Variants in PIP4K2A observed in about 807,000 individuals in gnomAD.
PIP4K2A encodes the protein phosphatidylinositol-5-phosphate 4-kinase type 2 alpha.
PIP4K2A carries 14 observed loss-of-function variants against 42.9 expected under a neutral mutation model. The observed-to-expected ratio is 0.33, with a 90% CI of 0.22 to 0.51. The LOEUF (loss-of-function observed/expected upper bound fraction) is 0.51, where lower values mean the gene tolerates loss of function less well. Among genes scored for constraint, PIP4K2A ranks in the 20% least tolerant of loss-of-function variants. PIP4K2A has a pLI of 0.97. For missense variants in PIP4K2A, 434 were observed against 519.8 expected (o/e 0.83, Z 1.61); for synonymous variants, 192 against 192.2 (o/e 1.00, Z 0.01).
At chr10:22,572,426 G>T (rs951265205) in intron 5 of PIP4K2A, among the ~76,000 whole-genome samples, 1 of 152,080 alleles carries the variant, frequency 6.6e-6, no homozygotes, top group Non-Finnish European at 1.5e-5. Context: ...GATCAGCCTG[G>T]GCAACATGGT....
intron 6 of PIP4K2A, among the ~76,000 whole-genome samples, chr10:22,553,535 T>C (rs9783118): frequency 2.6e-5 from 4 of 152,164 alleles, no homozygotes; most frequent in Admixed American, 1.3e-4. Context: ...TTAACTATTA[T>C]TCACGTTTTA....
chr10:22,540,116 C>T (rs747140773), intron 8 of PIP4K2A, 42 bp from the exon 9 acceptor site: 6 of 923,298 alleles, frequency 6.5e-6, no homozygotes, highest in Non-Finnish European at 9.0e-6. Flanking sequence ...CATGTGACAA[C>T]ACCAGTGCCA....
intron 1 of PIP4K2A, among the ~76,000 whole-genome samples, chr10:22,701,044 GTTTTCTCCAGC>G (rs921917381): frequency 4.4e-4 from 67 of 152,256 alleles, no homozygotes; most frequent in African/African-American, 1.4e-3. Context: ...CCTGTAACAT[GTTTTCTCCAGC>G]TTCTCCATCC....
At chr10:22,587,671 C>T (rs920281863) in intron 4 of PIP4K2A, among the ~76,000 whole-genome samples, 11 of 152,136 alleles carry the variant, frequency 7.2e-5, no homozygotes, top group Admixed American at 3.3e-4. Flanking sequence ...GCTGAGCCCA[C>T]CACCCAGTAA....
Position 22,664,142 on chromosome 10 carries a change from C to CAT in PIP4K2A, c.144+50039_144+50040dup, listed in dbSNP as rs1554807247. 3.0e-3 allele frequency among the ~76,000 whole-genome samples: 84 copies of CAT among 27,916 alleles called. 4 individuals are homozygous for CAT. Among genetic ancestry groups the CAT allele is most frequent in the East Asian group, 0.019 (32 of 1,688 alleles). The allele number at this position is 27,916 out of a possible 152,430, so 18.3% of individuals were successfully genotyped here. A position where few individuals can be genotyped will look rare whatever the true frequency, so the allele number is the denominator to read the frequency against. On this transcript the variant is annotated intron_variant, in intron 1 of 9. Transcript: ENST00000376573. ...ATATATATATATACATATATATATACATATATATACACATATATATATATA... is the reference window on the plus strand; with the variant it reads ...ATATATATATATACATATATATATACATATATATATACACATATATATATATA...
At chr10:22,686,863 A>C (rs1564467582) in intron 1 of PIP4K2A, among the ~76,000 whole-genome samples, 2 of 152,278 alleles carry the variant, frequency 1.3e-5, no homozygotes, top group African/African-American at 4.8e-5. Flanking sequence ...ACGCAGCTAA[A>C]TTAGACCATT....
chr10:22,671,745 T>TACACACACAC (rs143696456), intron 1 of PIP4K2A, among the ~76,000 whole-genome samples: 184 of 144,670 alleles, frequency 1.3e-3, no homozygotes, highest in African/African-American at 4.0e-3. Context: ...ACTTGGAAAA[T>TACACACACAC]ACACACACAC....
chr10:22,538,554 G>A (rs1835999475), intron 9 of PIP4K2A, among the ~76,000 whole-genome samples: 1 of 152,216 alleles, frequency 6.6e-6, no homozygotes, highest in African/African-American at 2.4e-5. Context: ...GGTCATACAA[G>A]TGGGAAGGGT....
intron 3 of PIP4K2A, among the ~76,000 whole-genome samples, chr10:22,606,142 T>C (rs1416802768): frequency 6.8e-4 from 17 of 24,886 alleles, no homozygotes; most frequent in Non-Finnish European, 1.6e-3. Flanking sequence ...CCCCAATCTC[T>C]ACCAAAAAAA....
At chr10:22,618,377 G>C (rs1838226607) in intron 1 of PIP4K2A, among the ~76,000 whole-genome samples, 1 of 152,156 alleles carries the variant, frequency 6.6e-6, no homozygotes, top group East Asian at 1.9e-4. Flanking sequence ...TTTAAGAAGT[G>C]AATGAACAGA....
chr10:22,632,438 A>G (rs1398604128), intron 1 of PIP4K2A, among the ~76,000 whole-genome samples: 1 of 152,242 alleles, frequency 6.6e-6, no homozygotes, highest in Non-Finnish European at 1.5e-5. Context: ...TATAGTATGT[A>G]CAACATTGTT....
chr10:22,629,430 T>C (rs1264963281), intron 1 of PIP4K2A, among the ~76,000 whole-genome samples: 2 of 152,186 alleles, frequency 1.3e-5, no homozygotes, highest in African/African-American at 4.8e-5. Context: ...AATGACAATT[T>C]TTATTTCGAG....
intron 1 of PIP4K2A, among the ~76,000 whole-genome samples, chr10:22,637,504 G>C (rs1041087630): frequency 1.3e-5 from 2 of 152,182 alleles, no homozygotes; most frequent in Non-Finnish European, 2.9e-5. Context: ...AACACATGCT[G>C]CATAACTTAG....
intron 6 of PIP4K2A, among the ~76,000 whole-genome samples, chr10:22,553,924 C>T (rs1297527759): frequency 6.6e-6 from 1 of 151,210 alleles, no homozygotes; most frequent in Non-Finnish European, 1.5e-5. Context: ...TCACTGGAGC[C>T]CAGAAGTTCG....
intron 1 of PIP4K2A, among the ~76,000 whole-genome samples, chr10:22,680,660 C>G (rs1358077183): frequency 6.6e-6 from 1 of 152,170 alleles, no homozygotes; most frequent in Non-Finnish European, 1.5e-5. Context: ...ATTTTATTGG[C>G]TCATAATGAC....
At chr10:22,598,715 C>T (rs1380291893) in intron 3 of PIP4K2A, among the ~76,000 whole-genome samples, 1 of 152,188 alleles carries the variant, frequency 6.6e-6, no homozygotes, top group African/African-American at 2.4e-5. Flanking sequence ...CTCCCTTACT[C>T]TGTTATCTGA....
At chr10:22,661,827 T>G (rs551460444) in intron 1 of PIP4K2A, 2 of 152,296 alleles carry the variant, frequency 1.3e-5, no homozygotes, top group African/African-American at 4.8e-5. Flanking sequence ...TGAGCAGAAG[T>G]TAGAAACACC....
chr10:22,658,244 T>C (rs1271209796), intron 1 of PIP4K2A, among the ~76,000 whole-genome samples: 1 of 152,168 alleles, frequency 6.6e-6, no homozygotes, highest in African/African-American at 2.4e-5. Context: ...ATAGAAAATG[T>C]TAACAGTTAA....
At chr10:22,624,836 T>C (rs1339585792) in intron 1 of PIP4K2A, among the ~76,000 whole-genome samples, 1 of 152,260 alleles carries the variant, frequency 6.6e-6, no homozygotes, top group Non-Finnish European at 1.5e-5. Flanking sequence ...TGTTTTGTTA[T>C]CTTTTTGCCA....
Sources: allele counts gnomAD v4.1 joint callset (sites outside exome capture counted in the v4.1 genomes callset), GRCh38; gene constraint gnomAD v4.1.1; transcripts MANE v1.5; gene names NCBI Gene and HGNC (gene_info 2026-07-23, HGNC 2026-07-21).